TXNDC11: variants seen among roughly 807,000 people sequenced by gnomAD.
TXNDC11 encodes the protein thioredoxin domain containing 11.
Under a neutral mutation model 78.0 loss-of-function variants are expected in TXNDC11, and 68 were observed. The ratio of observed to expected loss-of-function variants is 0.87; its 90% CI spans 0.72 to 1.07. The LOEUF is 1.07. TXNDC11 is among the 50% of genes least tolerant of loss of function. TXNDC11 has a pLI of 0.00. For synonymous variants in TXNDC11, 571 were observed against 495.2 expected (o/e 1.15, Z -2.03); for missense variants, 1,389 against 1,221.8 (o/e 1.14, Z -2.04).
At chr16:11,705,260 A>G (rs934980733) in intron 5 of TXNDC11, among the ~76,000 whole-genome samples, 1 of 152,194 alleles carries the variant, frequency 6.6e-6, no homozygotes, top group African/African-American at 2.4e-5. Context: ...GATGTTAACA[A>G]TGGGGGAAAC....
rs771117659 is a variant in TXNDC11, at chr16:11,736,378, T to G, written c.255-145A>C. The G allele has an allele frequency of 2.2e-4, 139 of 641,054 alleles. 1 individual carries two copies. Among genetic ancestry groups the G allele is most frequent in the Admixed American group, 3.5e-4 (13 of 36,800 alleles). The allele number at this position is 641,054 out of a possible 1,614,324, so 39.7% of individuals were successfully genotyped here. ...AAATCACTGCCCTAGAAAGGCAACA[T>G]CTGGCTGAGCAAATGCAAGACATGA... On this transcript the variant is annotated intron_variant, in intron 1 of 11. Coordinates refer to ENST00000283033, the MANE Select transcript of TXNDC11 (RefSeq NM_015914.7).
intron 11 of TXNDC11, among the ~76,000 whole-genome samples, chr16:11,681,642 G>C (rs550728856): frequency 6.6e-6 from 1 of 152,310 alleles, no homozygotes; most frequent in South Asian, 2.1e-4. Context: ...ACACATCAGA[G>C]TCTCTTGGTG....
intron 4 of TXNDC11, among the ~76,000 whole-genome samples, chr16:11,726,950 G>A (rs950135023): frequency 6.6e-6 from 1 of 152,138 alleles, no homozygotes; most frequent in Non-Finnish European, 1.5e-5. Context: ...CTACTGAGGA[G>A]GCTGAGGCAC....
At chr16:11,681,690 A>G (rs1353627584) in intron 11 of TXNDC11, among the ~76,000 whole-genome samples, 3 of 152,114 alleles carry the variant, frequency 2.0e-5, no homozygotes, top group African/African-American at 4.8e-5. Context: ...ACCCTGGCCC[A>G]GGGCCAGGCC....
intron 10 of TXNDC11, among the ~76,000 whole-genome samples, chr16:11,686,773 G>A (rs8057398): frequency 6.6e-6 from 1 of 151,944 alleles, no homozygotes; most frequent in Non-Finnish European, 1.5e-5. Context: ...GAATGGAATC[G>A]GTCTCAGCCA....
intron 5 of TXNDC11, among the ~76,000 whole-genome samples, chr16:11,717,921 C>G (rs1178907743): frequency 1.3e-5 from 2 of 151,410 alleles, no homozygotes; most frequent in East Asian, 1.9e-4. Flanking sequence ...ACTGACAGAT[C>G]AGCACTGAGG....
At chr16:11,720,358 C>G (rs898935738) in intron 5 of TXNDC11, among the ~76,000 whole-genome samples, 1 of 151,674 alleles carries the variant, frequency 6.6e-6, no homozygotes, top group Non-Finnish European at 1.5e-5. Context: ...AAAATAACCA[C>G]TAAAAATGCT....
At chr16:11,722,633 T>C (rs1261614560) in intron 4 of TXNDC11, among the ~76,000 whole-genome samples, 1 of 152,064 alleles carries the variant, frequency 6.6e-6, no homozygotes, top group Non-Finnish European at 1.5e-5. Flanking sequence ...GATGTGGAAA[T>C]AGGAACAATT....
At chr16:11,708,362 A>T (rs1243726052) in intron 5 of TXNDC11, among the ~76,000 whole-genome samples, 2 of 152,204 alleles carry the variant, frequency 1.3e-5, no homozygotes, top group African/African-American at 2.4e-5. Context: ...TTTCTTCAAA[A>T]AGGAAAAAGT....
chr16:11,698,808 T>C (rs2141027817), intron 6 of TXNDC11, among the ~76,000 whole-genome samples: 1 of 152,310 alleles, frequency 6.6e-6, no homozygotes, highest in African/African-American at 2.4e-5. Context: ...TCTGTTCTGC[T>C]CACCTGTATC....
chr16:11,725,350 T>C (rs1173054396), intron 4 of TXNDC11, among the ~76,000 whole-genome samples: 1 of 121,782 alleles, frequency 8.2e-6, no homozygotes, highest in Non-Finnish European at 1.8e-5. Flanking sequence ...CTTTTAAGTA[T>C]TCATTTAGAA....
chr16:11,742,404 C>A, intron 1 of TXNDC11, 73 bp downstream of exon 1: 3 of 1,229,960 alleles, frequency 2.4e-6, no homozygotes, highest in Non-Finnish European at 3.1e-6. Flanking sequence ...CCGCTGCGAC[C>A]CGGCCCTGCA....
At chr16:11,738,659 A>AG (rs918949981) in intron 1 of TXNDC11, among the ~76,000 whole-genome samples, 7 of 143,714 alleles carry the variant, frequency 4.9e-5, no homozygotes, top group East Asian at 2.0e-4. Flanking sequence ...AGGGCACTAC[A>AG]GGAAAAAAAA....
intron 5 of TXNDC11, among the ~76,000 whole-genome samples, chr16:11,707,937 C>T (rs527409677): frequency 2.0e-5 from 3 of 151,498 alleles, no homozygotes; most frequent in Non-Finnish European, 4.4e-5. Context: ...TTTAAAAATT[C>T]GCTGAGCGTG....
chr16:11,691,258 C>A (rs1325401125), intron 8 of TXNDC11, 32 bp downstream of exon 8: 1 of 1,560,010 alleles, frequency 6.4e-7, no homozygotes, highest in Non-Finnish European at 8.7e-7. Flanking sequence ...GCAAAATGTA[C>A]AATGCTTGGG....
Position 11,730,741 on chromosome 16 carries a change from A to G in TXNDC11, c.603T>C (p.Ser201=). ...FGPIEYKGPM[S]AVYIEKFVRR... ...GGACAAACTTCTCAATGTAAACAGC[A>G]CTCATGGGGCCTTTGTATTCGATTG... The change falls in exon 4 of 12, where the codon AGT becomes AGC. Residue 201 remains serine (S), a synonymous_variant. Transcript: ENST00000283033. 1 of 1,611,872 alleles carries G rather than the reference A, an allele frequency of 6.2e-7. No homozygotes were observed. The highest frequency in any genetic ancestry group is 8.5e-7 in the Non-Finnish European group (1 of 1,178,532).
In TXNDC11 at chr16:11,742,725, C is replaced by A; in HGVS notation, c.6G>T (p.Ser2=). Residue 2 remains serine, a synonymous_variant, in exon 1 of 12, where the codon TCG becomes TCT. Transcript: ENST00000283033. ...TGCCGCCGCCGCGGCCTCCGCATTC[C>A]GACATTACATGCTCCCAGTCGCCGG... M[S]ECGGRGGGSS... 1 of 1,483,098 alleles carries A rather than the reference C, an allele frequency of 6.7e-7. No homozygotes were observed. The highest frequency in any genetic ancestry group is 8.9e-7 in the Non-Finnish European group (1 of 1,126,544). The allele number at this position is 1,483,098 out of a possible 1,614,324, so 91.9% of individuals were successfully genotyped here. A position where few individuals can be genotyped will look rare whatever the true frequency, so the allele number is the denominator to read the frequency against.
At chr16:11,713,720 G>C (rs957229032) in intron 5 of TXNDC11, among the ~76,000 whole-genome samples, 3 of 152,098 alleles carry the variant, frequency 2.0e-5, no homozygotes, top group East Asian at 1.9e-4. Context: ...CCGGCCCAAA[G>C]TATGGAATTT....
In TXNDC11 at chr16:11,691,452, G is replaced by A; in HGVS notation, c.1738C>T (p.Leu580Phe). 14 of 1,614,238 alleles carry A rather than the reference G, an allele frequency of 8.7e-6. No homozygotes were observed. The highest frequency in any genetic ancestry group is 1.2e-5 in the Non-Finnish European group (14 of 1,180,038). The change falls in exon 8 of 12, where the codon CTC becomes TTC. Residue 580 changes from leucine (L) to phenylalanine (F), a missense_variant. Transcript: ENST00000283033. The part of the protein sequence containing the change: ...TGLSCRTNKT[L>F]NIYLLDSNLF... Reference sequence around the variant, plus strand: ...TTTGAATCCAAAAGGTAGATGTTGAGAGTCTTGTTGGTTCTGCAGCTCAGG... The same window carrying A: ...TTTGAATCCAAAAGGTAGATGTTGAAAGTCTTGTTGGTTCTGCAGCTCAGG...
Sources: gnomAD v4.1 joint callset for allele counts (sites outside exome capture counted in the v4.1 genomes callset) on GRCh38, gnomAD v4.1.1 for gene constraint, MANE v1.5 for transcripts, NCBI Gene and HGNC (gene_info 2026-07-23, HGNC 2026-07-21) for gene names.